Variants in TTLL11 observed in about 807,000 individuals in gnomAD.
TTLL11 encodes tubulin tyrosine ligase like 11, also known as tubulin polyglutamylase TTLL11.
A neutral mutation model predicts 51.7 loss-of-function variants in TTLL11; 42 were observed. That is an observed-to-expected ratio of 0.81 (90% CI 0.64 to 1.05). TTLL11 has a LOEUF of 1.05. Among genes scored for constraint, TTLL11 ranks in the 50% least tolerant of loss-of-function variants. The probability of loss-of-function intolerance (pLI) is 0.00; values close to 1 mark genes in which losing one functional copy is unlikely to be tolerated. For synonymous variants in TTLL11, 381 were observed against 383.5 expected, an observed-to-expected ratio of 0.99 and a Z score of 0.08; for missense variants, 799 against 940.4, an observed-to-expected ratio of 0.85 and a Z score of 1.97.
chr9:122,033,294 G>A (rs780099893), intron 2 of TTLL11, among the ~76,000 whole-genome samples: 3 of 152,026 alleles, frequency 2.0e-5, no homozygotes, highest in Non-Finnish European at 4.4e-5. Context: ...TGTATTTTTA[G>A]TAGAGAAGGG....
intron 6 of TTLL11, among the ~76,000 whole-genome samples, chr9:121,899,365 G>GTATATATATATACATATATATATA (rs1300876166): frequency 4.4e-4 from 50 of 113,224 alleles, no homozygotes; most frequent in Non-Finnish European, 7.4e-4. Flanking sequence ...ATGTGTGTGT[G>GTATATATATATACATATATATATA]TATATATATA....
At position 122,093,180 on chromosome 9, in the gene TTLL11, ACCGCCG is replaced by A. The variant is rs752683967; in HGVS notation, c.-38_-33del. ...CAGGGCCGGGGCCAGTGCCAGTGCC[ACCGCCG>A]CCGCCGCCGCCGCTCCGCCGCCCCA... On this transcript the variant is annotated 5_prime_UTR_variant, in exon 1 of 9. Coordinates refer to ENST00000321582, the MANE Select transcript of TTLL11 (RefSeq NM_001139442.2). 19 of 1,485,820 alleles carry A rather than the reference ACCGCCG, an allele frequency of 1.3e-5. No homozygotes were observed. Among genetic ancestry groups the A allele is most frequent in the Admixed American group, 9.1e-5 (4 of 44,032 alleles). The allele number at this position is 1,485,820 out of a possible 1,614,324, so 92.0% of individuals were successfully genotyped here.
In TTLL11 at chr9:122,092,807, C is replaced by T. The variant is rs778603122; in HGVS notation, c.342G>A (p.Arg114=). Reference sequence around the variant, plus strand: ...TCTCGCCGGAACCGTGGCCCGAGCTCCGCTTGCAGCTTCGGCCCTTGTCCC... The same window carrying T: ...TCTCGCCGGAACCGTGGCCCGAGCTTCGCTTGCAGCTTCGGCCCTTGTCCC... ...KPRDKGRSCK[R]SSGHGSGENG... The change falls in exon 1 of 9, where the codon CGG becomes CGA. Residue 114 remains arginine (R), a synonymous_variant. Coordinates refer to ENST00000321582, the MANE Select transcript of TTLL11 (RefSeq NM_001139442.2). 3.2e-6 allele frequency: 5 copies of T among 1,547,154 alleles called. No individual in the cohort carries two copies. In the South Asian group the frequency reaches 4.7e-5, roughly 15 times the overall value.
intron 2 of TTLL11, among the ~76,000 whole-genome samples, chr9:122,037,252 T>G (rs1173060455): frequency 1.3e-5 from 2 of 152,156 alleles, no homozygotes; most frequent in Non-Finnish European, 2.9e-5. Flanking sequence ...AATAAGTCCT[T>G]TAAGTGGCAT....
intron 8 of TTLL11, among the ~76,000 whole-genome samples, chr9:121,833,957 C>T (rs1837103776): frequency 6.6e-6 from 1 of 152,146 alleles, no homozygotes; most frequent in Non-Finnish European, 1.5e-5. Flanking sequence ...CTTTAAATCT[C>T]CTTCTTATTA....
intron 3 of TTLL11, among the ~76,000 whole-genome samples, chr9:122,019,618 C>T (rs1027208676): frequency 6.6e-5 from 10 of 151,960 alleles, no homozygotes; most frequent in East Asian, 1.9e-4. Context: ...CCCGGTAAAT[C>T]GTTCATATTT....
chr9:121,915,206 G>T (rs1840281203), intron 6 of TTLL11, among the ~76,000 whole-genome samples: 1 of 151,926 alleles, frequency 6.6e-6, no homozygotes, highest in African/African-American at 2.4e-5. Context: ...AGTAAACAAA[G>T]GTGTGTGTGT....
intron 6 of TTLL11, among the ~76,000 whole-genome samples, chr9:121,872,276 C>T (rs1838385096): frequency 6.6e-6 from 1 of 152,184 alleles, no homozygotes; most frequent in South Asian, 2.1e-4. Context: ...GCTTCTTGAC[C>T]ACACAGGTCC....
rs552626201 is a variant in TTLL11, at chr9:122,023,571, A to G, written c.693+8152T>C. ...CATTTTAGTAAATCAAAATTCCACA[A>G]TATATAAAAAGGATAATATGTTATG... On this transcript the variant is annotated intron_variant, in intron 3 of 8. Coordinates refer to ENST00000321582, the MANE Select transcript of TTLL11 (RefSeq NM_001139442.2). Among the ~76,000 whole-genome samples, 4 of 152,140 alleles carry G rather than the reference A, an allele frequency of 2.6e-5. No homozygotes were observed. The East Asian group carries it at 7.7e-4, about 29-fold the overall frequency.
intron 1 of TTLL11, among the ~76,000 whole-genome samples, chr9:122,081,647 T>C (rs969988822): frequency 6.6e-6 from 1 of 152,242 alleles, no homozygotes; most frequent in East Asian, 1.9e-4. Flanking sequence ...TCACAGCACC[T>C]GAAGGCAGAA....
intron 8 of TTLL11, among the ~76,000 whole-genome samples, chr9:121,858,077 C>T (rs1342323523): frequency 6.6e-6 from 1 of 152,236 alleles, no homozygotes; most frequent in Non-Finnish European, 1.5e-5. Context: ...TGAGCACTCT[C>T]AGTCCTCGAA....
At chr9:122,001,496 G>A (rs1490720718) in intron 3 of TTLL11, among the ~76,000 whole-genome samples, 1 of 150,886 alleles carries the variant, frequency 6.6e-6, no homozygotes, top group African/African-American at 2.4e-5. Context: ...TGAGCCAAGA[G>A]GCAGGGGGTG....
At chr9:121,884,397 G>A (rs555683307) in intron 6 of TTLL11, among the ~76,000 whole-genome samples, 1 of 152,114 alleles carries the variant, frequency 6.6e-6, no homozygotes. Context: ...ACTAACAAGC[G>A]CGGAGCTGAA....
intron 8 of TTLL11, among the ~76,000 whole-genome samples, chr9:121,826,539 A>ATATATATGTGTCTG (rs1564260539): frequency 1.9e-5 from 1 of 52,314 alleles, no homozygotes; most frequent in African/African-American, 7.7e-5. Flanking sequence ...GTGTGTGTGT[A>ATATATATGTGTCTG]TATATATATA....
chr9:122,088,936 G>A (rs758386814), intron 1 of TTLL11, among the ~76,000 whole-genome samples: 2 of 149,546 alleles, frequency 1.3e-5, no homozygotes, highest in Non-Finnish European at 3.0e-5. Context: ...AACCTCTGAG[G>A]CAGAGGTTGT....
intron 8 of TTLL11, among the ~76,000 whole-genome samples, chr9:121,837,610 C>T (rs1208875585): frequency 6.6e-6 from 1 of 152,126 alleles, no homozygotes; most frequent in African/African-American, 2.4e-5. Flanking sequence ...CTCCTGAATG[C>T]CACCATCTGC....
intron 6 of TTLL11, among the ~76,000 whole-genome samples, chr9:121,921,483 A>G (rs1840542697): frequency 6.6e-6 from 1 of 152,162 alleles, no homozygotes; most frequent in Non-Finnish European, 1.5e-5. Context: ...TCCTCTAAGT[A>G]ACAATTTTTT....
At chr9:122,013,967 C>A (rs536526308) in intron 3 of TTLL11, among the ~76,000 whole-genome samples, 4 of 152,178 alleles carry the variant, frequency 2.6e-5, no homozygotes, top group African/African-American at 4.8e-5. Flanking sequence ...TGAAAATCTA[C>A]AATCTCCTCC....
chr9:121,949,887 T>C (rs376679732), intron 6 of TTLL11, among the ~76,000 whole-genome samples: 1 of 152,132 alleles, frequency 6.6e-6, no homozygotes, highest in African/African-American at 2.4e-5. Flanking sequence ...TCCTCAAGTC[T>C]TCTCTGCCCC....
Sources: gnomAD v4.1 joint callset for allele counts (sites outside exome capture counted in the v4.1 genomes callset) on GRCh38, gnomAD v4.1.1 for gene constraint, MANE v1.5 for transcripts, NCBI Gene and HGNC (gene_info 2026-07-23, HGNC 2026-07-21) for gene names.